Variants in NEDD4L observed in about 807,000 individuals in gnomAD.
NEDD4L encodes the protein E3 ubiquitin-protein ligase NEDD4-like.
Under a neutral mutation model 148.9 loss-of-function variants are expected in NEDD4L, and 54 were observed. The ratio of observed to expected loss-of-function variants is 0.36; its 90% CI spans 0.29 to 0.45. The LOEUF (loss-of-function observed/expected upper bound fraction) is 0.45, where lower values mean the gene tolerates loss of function less well. Among genes scored for constraint, NEDD4L ranks in the 20% least tolerant of loss-of-function variants. The pLI, the probability that NEDD4L is intolerant of heterozygous loss-of-function variation, is 1.00. For missense variants in NEDD4L, 856 were observed against 1,233.8 expected, an observed-to-expected ratio of 0.69 and a Z score of 4.59; for synonymous variants, 433 against 440.7, an observed-to-expected ratio of 0.98 and a Z score of 0.22.
At position 58,146,912 on chromosome 18, in the gene NEDD4L, T is replaced by C. The variant is rs960176453; in HGVS notation, c.49-18876T>C. Reference sequence around the variant, plus strand: ...GGCCTGGAAATTACGTTGCTGGTGCTGAGGGGATGTGCAGAGCAGAGGTGG... The same window carrying C: ...GGCCTGGAAATTACGTTGCTGGTGCCGAGGGGATGTGCAGAGCAGAGGTGG... On this transcript the variant is annotated intron_variant, in intron 1 of 30. Coordinates refer to ENST00000400345, the MANE Select transcript of NEDD4L (RefSeq NM_001144967.3). Among the ~76,000 whole-genome samples, 9 of 152,252 alleles carry C rather than the reference T, an allele frequency of 5.9e-5. No individual in the cohort carries two copies. The South Asian group carries it at 6.2e-4, about 11-fold the overall frequency.
At chr18:58,143,885 A>T (rs2033821639) in intron 1 of NEDD4L, among the ~76,000 whole-genome samples, 1 of 152,204 alleles carries the variant, frequency 6.6e-6, no homozygotes, top group Admixed American at 6.5e-5. Flanking sequence ...TTCATATTAT[A>T]TAGAAATGGG....
chr18:58,055,696 A>T (rs1163266411), intron 1 of NEDD4L, among the ~76,000 whole-genome samples: 1 of 152,192 alleles, frequency 6.6e-6, no homozygotes, highest in African/African-American at 2.4e-5. Context: ...ATGACTGGTA[A>T]ATTGTATTTC....
chr18:58,077,676 G>A (rs1020808967), intron 1 of NEDD4L, among the ~76,000 whole-genome samples: 10 of 152,078 alleles, frequency 6.6e-5, no homozygotes, highest in Admixed American at 6.5e-5. Flanking sequence ...GTGATGCATC[G>A]GGTTTGGGAT....
chr18:58,091,809 T>C (rs185175939), intron 1 of NEDD4L, among the ~76,000 whole-genome samples: 78 of 152,338 alleles, frequency 5.1e-4, no homozygotes, highest in African/African-American at 1.8e-3. Context: ...TTTGTCTTAA[T>C]GTAAATGCAC....
intron 5 of NEDD4L, among the ~76,000 whole-genome samples, chr18:58,300,074 AG>A (rs1189358000): frequency 3.3e-5 from 5 of 152,246 alleles, no homozygotes; most frequent in Admixed American, 3.3e-4. Flanking sequence ...GTAAGGATTT[AG>A]ATCTTGGCTC....
chr18:58,293,451 G>A (rs2055066081), intron 5 of NEDD4L, among the ~76,000 whole-genome samples: 1 of 152,092 alleles, frequency 6.6e-6, no homozygotes, highest in Non-Finnish European at 1.5e-5. Context: ...GTTGGATATG[G>A]GATAATTACC....
intron 1 of NEDD4L, 78 bp downstream of exon 1, chr18:58,044,786 C>T (rs1397700742): frequency 2.6e-6 from 4 of 1,545,756 alleles, no homozygotes; most frequent in Admixed American, 1.9e-5. Context: ...GGAAAGGGGC[C>T]GTCCCCGGGG....
intron 5 of NEDD4L, among the ~76,000 whole-genome samples, chr18:58,262,974 C>G (rs1014826834): frequency 6.6e-6 from 1 of 152,026 alleles, no homozygotes; most frequent in Non-Finnish European, 1.5e-5. Flanking sequence ...TTTTTTATGC[C>G]CTGACAATTT....
At chr18:58,223,036 C>CT (rs780248173) in intron 2 of NEDD4L, among the ~76,000 whole-genome samples, 2,405 of 135,738 alleles carry the variant, frequency 0.018, 31 homozygotes, top group South Asian at 0.047. Context: ...GGGTGCTGAC[C>CT]TTTTTTTTTT....
intron 2 of NEDD4L, among the ~76,000 whole-genome samples, chr18:58,241,061 C>G (rs1320493083): frequency 2.6e-5 from 4 of 152,160 alleles, no homozygotes; most frequent in Non-Finnish European, 5.9e-5. Flanking sequence ...CTGCCCACCC[C>G]GGCCTTCCAA....
At chr18:58,301,112 C>G (rs1418288354) in intron 5 of NEDD4L, among the ~76,000 whole-genome samples, 1 of 152,108 alleles carries the variant, frequency 6.6e-6, no homozygotes, top group Non-Finnish European at 1.5e-5. Flanking sequence ...GTTCCTTTAA[C>G]TCTCTCAGTA....
At chr18:58,308,585 CAGAG>C (rs1568645130) in intron 5 of NEDD4L, among the ~76,000 whole-genome samples, 1 of 152,226 alleles carries the variant, frequency 6.6e-6, no homozygotes. Context: ...CATCTCTTCA[CAGAG>C]AGGAGAATAA....
At chr18:58,262,984 T>G (rs2049657859) in intron 5 of NEDD4L, among the ~76,000 whole-genome samples, 1 of 152,220 alleles carries the variant, frequency 6.6e-6, no homozygotes, top group African/African-American at 2.4e-5. Context: ...CCTGACAATT[T>G]TAGAACTGTG....
In NEDD4L at chr18:58,341,809, A is replaced by G. The variant is rs747576375; in HGVS notation, c.1377+12A>G. 3 of 1,609,620 alleles carry G rather than the reference A, an allele frequency of 1.9e-6. No individual in the cohort carries two copies. The East Asian group carries it at 6.7e-5, about 36-fold the overall frequency. On this transcript the variant is annotated intron_variant, in intron 15 of 30. Coordinates refer to ENST00000400345, the MANE Select transcript of NEDD4L (RefSeq NM_001144967.3). Reference sequence around the variant, plus strand: ...CTGCCCCGCTGGAGGTGAGACGGCTACCTCATCTAACTGGACTCACTCTGT... The same window carrying G: ...CTGCCCCGCTGGAGGTGAGACGGCTGCCTCATCTAACTGGACTCACTCTGT...
At chr18:58,178,882 G>A (rs1279313087) in intron 2 of NEDD4L, among the ~76,000 whole-genome samples, 5 of 152,218 alleles carry the variant, frequency 3.3e-5, no homozygotes, top group Non-Finnish European at 5.9e-5. Context: ...GGCGTTCATG[G>A]TAGGAAAGTA....
intron 24 of NEDD4L, among the ~76,000 whole-genome samples, chr18:58,374,569 AG>A (rs2047303180): frequency 6.6e-6 from 1 of 151,296 alleles, no homozygotes; most frequent in Admixed American, 6.6e-5. Context: ...TGGGGCAGGG[AG>A]GGGTCTTTTC....
intron 5 of NEDD4L, among the ~76,000 whole-genome samples, chr18:58,255,067 G>T (rs554000534): frequency 1.4e-4 from 22 of 152,310 alleles, no homozygotes; most frequent in African/African-American, 4.3e-4. Flanking sequence ...ATTCCGTGTG[G>T]CGGAAGGTGG....
intron 19 of NEDD4L, among the ~76,000 whole-genome samples, chr18:58,359,548 AT>A (rs560606906): frequency 5.7e-4 from 87 of 152,340 alleles, no homozygotes; most frequent in African/African-American, 2.0e-3. Context: ...AATATGTTTT[AT>A]CTTTTTTCTC....
At chr18:58,335,007 G>A (rs1234123245) in intron 12 of NEDD4L, among the ~76,000 whole-genome samples, 1 of 152,118 alleles carries the variant, frequency 6.6e-6, no homozygotes, top group African/African-American at 2.4e-5. Context: ...TGAACGAATG[G>A]CACTTTCTCT....
Sources: allele counts gnomAD v4.1 joint callset (sites outside exome capture counted in the v4.1 genomes callset), GRCh38; gene constraint gnomAD v4.1.1; transcripts MANE v1.5; gene names NCBI Gene and HGNC (gene_info 2026-07-23, HGNC 2026-07-21).